The following GPHN variants were observed in gnomAD, a reference collection of about 807,000 sequenced individuals.
The protein encoded by GPHN is gephyrin.
In GPHN, 17 loss-of-function variants were observed where a neutral mutation model predicts 95.5. That is an observed-to-expected ratio of 0.18 (90% CI 0.12 to 0.27). The LOEUF (loss-of-function observed/expected upper bound fraction) is 0.27, where lower values mean the gene tolerates loss of function less well. Ranked by LOEUF, GPHN falls within the 10% of genes least tolerant of loss-of-function variation. GPHN has a pLI of 1.00. For synonymous variants in GPHN, 320 were observed against 322.5 expected, an observed-to-expected ratio of 0.99 and a Z score of 0.08; for missense variants, 660 against 978.1, an observed-to-expected ratio of 0.67 and a Z score of 4.34.
At chr14:67,287,521 A>G in the GPHN span, among the ~76,000 whole-genome samples, 1 of 152,242 alleles carries the variant, frequency 6.6e-6, no homozygotes, top group Non-Finnish European at 1.5e-5. Flanking sequence ...GTTCTATCAT[A>G]CCAGATCCCA....
intron 1 of GPHN, among the ~76,000 whole-genome samples, chr14:66,535,394 A>G (rs1189177968): frequency 1.3e-5 from 2 of 152,268 alleles, no homozygotes; most frequent in African/African-American, 4.8e-5. Context: ...ATCTGGTGGT[A>G]TAAGTTCCTT....
intron 3 of GPHN, among the ~76,000 whole-genome samples, chr14:66,799,960 A>G (rs2060285859): frequency 6.6e-6 from 1 of 151,480 alleles, no homozygotes; most frequent in African/African-American, 2.4e-5. Flanking sequence ...TTTTCTCTCC[A>G]TTGTATGTTT....
intron 2 of GPHN, among the ~76,000 whole-genome samples, chr14:66,707,287 A>T (rs2069166318): frequency 6.6e-6 from 1 of 152,200 alleles, no homozygotes; most frequent in Admixed American, 6.5e-5. Flanking sequence ...CAGAAATACC[A>T]TTTGACACAG....
At chr14:67,428,354 G>A in the GPHN span, among the ~76,000 whole-genome samples, 1 of 152,164 alleles carries the variant, frequency 6.6e-6, no homozygotes. Context: ...CTAGCCCAAA[G>A]CTCTATCCTG....
At chr14:67,280,857 C>CTCCT in the GPHN span, among the ~76,000 whole-genome samples, 2 of 53,250 alleles carry the variant, frequency 3.8e-5, no homozygotes, top group Non-Finnish European at 8.5e-5. Context: ...CCTTCCTTCC[C>CTCCT]TCCCTCCCTC....
chr14:67,334,310 G>A, the GPHN span: 1 of 152,528 alleles, frequency 6.6e-6, no homozygotes, highest in African/African-American at 2.4e-5. Flanking sequence ...TATATAATTG[G>A]CATGGAAACT....
At chr14:67,521,759 A>C in the GPHN span, among the ~76,000 whole-genome samples, 2 of 152,246 alleles carry the variant, frequency 1.3e-5, no homozygotes, top group Admixed American at 6.5e-5. Context: ...AGAGAGGAAA[A>C]GACCAAAGTT....
the GPHN span, among the ~76,000 whole-genome samples, chr14:67,300,931 A>G: frequency 3.2e-4 from 48 of 152,192 alleles, no homozygotes; most frequent in Non-Finnish European, 5.4e-4. Context: ...GGCTTAAGCA[A>G]TCCGCTTGCC....
the GPHN span, among the ~76,000 whole-genome samples, chr14:67,272,886 C>T: frequency 6.6e-6 from 1 of 152,252 alleles, no homozygotes; most frequent in East Asian, 1.9e-4. Flanking sequence ...CCAGGCTGGT[C>T]TCAAACTACT....
chr14:67,572,368 T>G, the GPHN span: 4 of 1,044,550 alleles, frequency 3.8e-6, no homozygotes, highest in South Asian at 1.8e-5. Flanking sequence ...AGTAGCTGCC[T>G]GAAGTGAGGG....
chr14:66,687,485 G>GT (rs1468240848), intron 2 of GPHN, among the ~76,000 whole-genome samples: 18 of 143,748 alleles, frequency 1.3e-4, no homozygotes, highest in African/African-American at 3.4e-4. Context: ...TATTTTATTT[G>GT]GTTTTTTTTT....
chr14:67,043,040 A>G (rs77537609), intron 10 of GPHN, among the ~76,000 whole-genome samples: 10,158 of 152,030 alleles, frequency 0.067, 806 homozygotes, highest in African/African-American at 0.19. Context: ...TTTGTCTGTT[A>G]TTAGGGTATA....
At chr14:66,938,515 G>A (rs567894180) in intron 8 of GPHN, among the ~76,000 whole-genome samples, 1 of 152,142 alleles carries the variant, frequency 6.6e-6, no homozygotes, top group East Asian at 1.9e-4. Flanking sequence ...CCTTGGCTTA[G>A]CAGTCTGCTT....
chr14:67,392,414 T>C, the GPHN span: 2 of 1,613,198 alleles, frequency 1.2e-6, no homozygotes, highest in Admixed American at 1.7e-5. Flanking sequence ...TATCTTCTTT[T>C]TGTAGCTCTC....
chr14:67,227,317 G>A, the GPHN span, among the ~76,000 whole-genome samples: 23,624 of 151,656 alleles, frequency 0.16, 3,472 homozygotes, highest in East Asian at 0.42. Context: ...GCGCATGACT[G>A]TAGTCCCAGC....
chr14:67,235,846 T>C, the GPHN span, among the ~76,000 whole-genome samples: 2 of 152,212 alleles, frequency 1.3e-5, no homozygotes, highest in Admixed American at 6.5e-5. Context: ...TATCCTACCC[T>C]GAGGCTTTTG....
the GPHN span, chr14:67,727,957 A>T: frequency 6.6e-6 from 1 of 152,262 alleles, no homozygotes; most frequent in East Asian, 1.9e-4. Flanking sequence ...TTAGGGCTGG[A>T]TTTCAGACCC....
At chr14:67,109,273 G>A (rs1327370111) in intron 13 of GPHN, among the ~76,000 whole-genome samples, 1 of 152,014 alleles carries the variant, frequency 6.6e-6, no homozygotes, top group Non-Finnish European at 1.5e-5. Flanking sequence ...TTGGCAGGGG[G>A]GATTAATATT....
At chr14:66,546,498 C>G (rs1398395486) in intron 1 of GPHN, among the ~76,000 whole-genome samples, 1 of 152,184 alleles carries the variant, frequency 6.6e-6, no homozygotes, top group Non-Finnish European at 1.5e-5. Context: ...ACTGAGTGAA[C>G]CAGACTCCAT....
Sources: gnomAD v4.1 joint callset for allele counts (sites outside exome capture counted in the v4.1 genomes callset) on GRCh38, gnomAD v4.1.1 for gene constraint, MANE v1.5 for transcripts, NCBI Gene and HGNC (gene_info 2026-07-23, HGNC 2026-07-21) for gene names.